The following TMTC2 variants were observed in gnomAD, a reference collection of about 807,000 sequenced individuals.
TMTC2 encodes the protein transmembrane O-mannosyltransferase targeting cadherins 2, also known as protein O-mannosyl-transferase TMTC2.
In TMTC2, 43 loss-of-function variants were observed where a neutral mutation model predicts 82.4. The observed-to-expected ratio is 0.52, with a 90% CI of 0.41 to 0.67. The LOEUF is 0.67. TMTC2 is among the 30% of genes least tolerant of loss of function. TMTC2 has a pLI of 0.00. For synonymous variants in TMTC2, 408 were observed against 381.9 expected, an observed-to-expected ratio of 1.07 and a Z score of -0.80; for missense variants, 919 against 1,012.4, an observed-to-expected ratio of 0.91 and a Z score of 1.25.
chr12:83,064,469 G>A (rs1329187787), intron 11 of TMTC2, among the ~76,000 whole-genome samples: 1 of 151,860 alleles, frequency 6.6e-6, no homozygotes, highest in Non-Finnish European at 1.5e-5. Flanking sequence ...AGAATAAAAT[G>A]TTCATATTTA....
intron 1 of TMTC2, among the ~76,000 whole-genome samples, chr12:82,830,189 A>G (rs1044644749): frequency 6.6e-6 from 1 of 152,196 alleles, no homozygotes; most frequent in African/African-American, 2.4e-5. Flanking sequence ...GCAAAATTGG[A>G]AAATTTGAAA....
At chr12:82,895,785 T>A in intron 2 of TMTC2, 33 bp from the exon 3 acceptor site, 1 of 1,558,990 alleles carries the variant, frequency 6.4e-7, no homozygotes. Flanking sequence ...CTGATAATAA[T>A]CTTAATTTTT....
chr12:83,065,433 G>A (rs1365722080), intron 11 of TMTC2, among the ~76,000 whole-genome samples: 2 of 151,934 alleles, frequency 1.3e-5, no homozygotes, highest in East Asian at 3.9e-4. Context: ...TATCAGAGAT[G>A]TTTAATACCT....
At chr12:82,836,594 G>C in intron 1 of TMTC2, among the ~76,000 whole-genome samples, 1 of 152,188 alleles carries the variant, frequency 6.6e-6, no homozygotes, top group Admixed American at 6.5e-5. Context: ...ATACAGTCCT[G>C]CTGATGCCTT....
chr12:82,970,213 T>C (rs1878388373), intron 7 of TMTC2, among the ~76,000 whole-genome samples: 1 of 152,224 alleles, frequency 6.6e-6, no homozygotes, highest in African/African-American at 2.4e-5. Context: ...ATTTTGGTAA[T>C]AGTAGTATCA....
intron 8 of TMTC2, among the ~76,000 whole-genome samples, chr12:83,019,422 C>A (rs973716248): frequency 1.3e-5 from 2 of 152,122 alleles, no homozygotes; most frequent in African/African-American, 4.8e-5. Context: ...GTTATGAAAT[C>A]TAGTGGATGT....
chr12:83,085,342 C>T (rs1378140274), intron 11 of TMTC2, among the ~76,000 whole-genome samples: 1 of 152,146 alleles, frequency 6.6e-6, no homozygotes, highest in Non-Finnish European at 1.5e-5. Flanking sequence ...TTTCTCATAG[C>T]CTTTTTATTT....
chr12:82,801,442 C>G (rs1192650631), intron 1 of TMTC2, among the ~76,000 whole-genome samples: 1 of 152,066 alleles, frequency 6.6e-6, no homozygotes, highest in Admixed American at 6.5e-5. Flanking sequence ...AGCGGGTTGC[C>G]ACTGCAGGCT....
chr12:82,825,854 G>GCACACACA lies in TMTC2; in HGVS notation c.84-31138_84-31131dup, dbSNP rs113069531. Among the ~76,000 whole-genome samples the GCACACACA allele has an allele frequency of 7.8e-3, 1,147 of 147,600 alleles. 13 individuals carry two copies. Among genetic ancestry groups the GCACACACA allele is most frequent in the African/African-American group, 0.027 (1,107 of 40,656 alleles). ...GTGTGTTCACTCTGTGATAGGGAAA[G>GCACACACA]CACACACACACACACACACACACAC... On this transcript the variant is annotated intron_variant, in intron 1 of 11. Coordinates refer to ENST00000321196, the MANE Select transcript of TMTC2 (RefSeq NM_152588.3).
chr12:82,729,865 A>G (rs950429967), intron 1 of TMTC2, among the ~76,000 whole-genome samples: 7 of 152,288 alleles, frequency 4.6e-5, no homozygotes, highest in African/African-American at 1.4e-4. Flanking sequence ...ACTCATGGCG[A>G]AGGTCTGCAG....
chr12:82,698,668 A>G (rs973726467), intron 1 of TMTC2, among the ~76,000 whole-genome samples: 2 of 152,198 alleles, frequency 1.3e-5, no homozygotes, highest in Non-Finnish European at 1.5e-5. Context: ...ATAAAGTTTA[A>G]TTTATAATAT....
intron 1 of TMTC2, among the ~76,000 whole-genome samples, chr12:82,797,009 A>G (rs546894584): frequency 2.0e-5 from 3 of 152,204 alleles, no homozygotes; most frequent in African/African-American, 4.8e-5. Flanking sequence ...TTTGTATAAT[A>G]TAAGACTAAA....
intron 9 of TMTC2, among the ~76,000 whole-genome samples, chr12:83,040,131 G>A (rs1881833258): frequency 6.6e-6 from 1 of 152,136 alleles, no homozygotes; most frequent in Non-Finnish European, 1.5e-5. Flanking sequence ...CCTATTTTAC[G>A]GATATAAGAT....
At chr12:83,114,261 A>T (rs1014826982) in intron 11 of TMTC2, among the ~76,000 whole-genome samples, 2 of 102,968 alleles carry the variant, frequency 1.9e-5, no homozygotes, top group Non-Finnish European at 4.0e-5. Flanking sequence ...AATCCCTTGT[A>T]AAAAAAAAAT....
intron 1 of TMTC2, among the ~76,000 whole-genome samples, chr12:82,829,526 G>A (rs1869637099): frequency 6.6e-6 from 1 of 152,040 alleles, no homozygotes; most frequent in Non-Finnish European, 1.5e-5. Context: ...AATATTTACA[G>A]TGAAGAGATC....
At position 83,051,011 on chromosome 12, in the gene TMTC2, A is replaced by C. The variant is rs760875221; in HGVS notation, c.2260A>C (p.Met754Leu). The C allele has an allele frequency of 6.2e-7, 1 of 1,605,944 alleles. No homozygotes were observed. The highest frequency in any genetic ancestry group is 2.2e-5 in the East Asian group (1 of 44,504). The part of the protein sequence containing the change: ...EFDVVFNAAH[M>L]LRQASLNEAA... ...TGATGTTGTCTTCAATGCTGCCCAC[A>C]TGCTCAGGTTAGTTTTTTTGCTGCT... is the stretch of plus-strand genomic sequence containing the variant. The change falls in exon 10 of 12, where the codon ATG becomes CTG. Residue 754 changes from methionine (M) to leucine (L), a missense_variant. Physicochemically the swap from Met to Leu is conservative, Grantham distance 15. Transcript: ENST00000321196.
intron 7 of TMTC2, among the ~76,000 whole-genome samples, chr12:82,984,198 A>G (rs1196599130): frequency 6.6e-6 from 1 of 152,036 alleles, no homozygotes; most frequent in South Asian, 2.1e-4. Flanking sequence ...TTAAGTGCAG[A>G]TATGTTTTAA....
intron 8 of TMTC2, among the ~76,000 whole-genome samples, chr12:83,014,368 T>C (rs1317101058): frequency 6.6e-6 from 1 of 151,804 alleles, no homozygotes; most frequent in East Asian, 1.9e-4. Flanking sequence ...TGAGATGGAG[T>C]TTTGCTCTTG....
chr12:83,002,929 A>C (rs2137370875), intron 8 of TMTC2, among the ~76,000 whole-genome samples: 1 of 151,934 alleles, frequency 6.6e-6, no homozygotes, highest in East Asian at 1.9e-4. Flanking sequence ...CAGTTATTGA[A>C]GTGTCAAGTT....
Sources: allele counts gnomAD v4.1 joint callset (sites outside exome capture counted in the v4.1 genomes callset), GRCh38; gene constraint gnomAD v4.1.1; transcripts MANE v1.5; gene names NCBI Gene and HGNC (gene_info 2026-07-23, HGNC 2026-07-21).